CSMD3: variants seen among roughly 807,000 people sequenced by gnomAD.
The protein encoded by CSMD3 is CUB and sushi domain-containing protein 3.
CSMD3 carries 177 observed loss-of-function variants against 435.2 expected under a neutral mutation model. That is an observed-to-expected ratio of 0.41 (90% CI 0.36 to 0.46). The LOEUF (loss-of-function observed/expected upper bound fraction) is 0.46, where lower values mean the gene tolerates loss of function less well. Ranked by LOEUF, CSMD3 falls within the 20% of genes least tolerant of loss-of-function variation. CSMD3 has a pLI of 0.34. For missense variants in CSMD3, 4,265 were observed against 4,504.6 expected (o/e 0.95, Z 1.52); for synonymous variants, 1,656 against 1,520.5 (o/e 1.09, Z -2.07).
At chr8:113,389,827 A>G (rs2094454177) in intron 1 of CSMD3, among the ~76,000 whole-genome samples, 1 of 151,892 alleles carries the variant, frequency 6.6e-6, no homozygotes, top group Middle Eastern at 3.4e-3. Flanking sequence ...GGGACAAATG[A>G]TTACCCTTCC....
At chr8:113,212,969 C>A (rs2092857030) in intron 3 of CSMD3, among the ~76,000 whole-genome samples, 1 of 150,424 alleles carries the variant, frequency 6.6e-6, no homozygotes, top group African/African-American at 2.4e-5. Context: ...ATAACAATTT[C>A]TAAATTCAGG....
At chr8:113,345,803 T>C (rs1023464102) in intron 1 of CSMD3, among the ~76,000 whole-genome samples, 1 of 152,112 alleles carries the variant, frequency 6.6e-6, no homozygotes, top group African/African-American at 2.4e-5. Flanking sequence ...GTAAGAAGAA[T>C]CATTGAGAGT....
intron 3 of CSMD3, among the ~76,000 whole-genome samples, chr8:113,230,571 C>G (rs2093074526): frequency 6.6e-6 from 1 of 151,436 alleles, no homozygotes; most frequent in African/African-American, 2.4e-5. Context: ...ATCCAAAGAC[C>G]ATTATACCCT....
In CSMD3 at chr8:112,576,839, T is replaced by C. The variant is rs772447446; in HGVS notation, c.3886-3182A>G. On this transcript the variant is annotated intron_variant, in intron 23 of 70. Coordinates refer to ENST00000297405, the MANE Select transcript of CSMD3 (RefSeq NM_198123.2). Reference sequence around the variant, plus strand: ...GCCACTGCACCAGGCAGCATACATATATATATATATATATATATGAAAGAA... The same window carrying C: ...GCCACTGCACCAGGCAGCATACATACATATATATATATATATATGAAAGAA... Among the ~76,000 whole-genome samples, 8 of 55,560 alleles carry C rather than the reference T, an allele frequency of 1.4e-4. No individual in the cohort carries two copies. The South Asian group carries it at 1.8e-3, about 12-fold the overall frequency. 36.4% of individuals were successfully genotyped at this position (55,560 alleles called of 152,430 possible).
chr8:112,364,294 GA>G (rs1259595382), intron 38 of CSMD3, among the ~76,000 whole-genome samples: 1 of 151,892 alleles, frequency 6.6e-6, no homozygotes, highest in Non-Finnish European at 1.5e-5. Context: ...GGATTTTACT[GA>G]AAATTATAAT....
intron 11 of CSMD3, among the ~76,000 whole-genome samples, chr8:112,851,374 G>GT (rs1811740631): frequency 6.6e-6 from 1 of 152,072 alleles, no homozygotes; most frequent in African/African-American, 2.4e-5. Flanking sequence ...CCAGTTTCAC[G>GT]TTTTTTCTCA....
At chr8:113,299,992 A>C (rs1267859987) in intron 2 of CSMD3, among the ~76,000 whole-genome samples, 1 of 102,022 alleles carries the variant, frequency 9.8e-6, no homozygotes, top group Non-Finnish European at 1.8e-5. Flanking sequence ...CCTCCATCTC[A>C]AAAAAAAAAA....
chr8:113,357,505 T>C (rs2094239460), intron 1 of CSMD3, among the ~76,000 whole-genome samples: 1 of 152,190 alleles, frequency 6.6e-6, no homozygotes, highest in Non-Finnish European at 1.5e-5. Context: ...AATTTAAATT[T>C]AAAAATGAAA....
At chr8:112,958,016 C>T (rs1366104679) in intron 7 of CSMD3, among the ~76,000 whole-genome samples, 5 of 151,996 alleles carry the variant, frequency 3.3e-5, no homozygotes, top group Admixed American at 2.0e-4. Flanking sequence ...AAGTGCATGT[C>T]GTATTTGTAT....
At chr8:112,883,378 G>C (rs1246790120) in intron 10 of CSMD3, among the ~76,000 whole-genome samples, 1 of 151,970 alleles carries the variant, frequency 6.6e-6, no homozygotes, top group Non-Finnish European at 1.5e-5. Context: ...TTTCAATGGA[G>C]TAAGAGAGCT....
chr8:113,334,190 C>T (rs1275522921), intron 1 of CSMD3, among the ~76,000 whole-genome samples: 2 of 150,878 alleles, frequency 1.3e-5, no homozygotes, highest in Admixed American at 1.3e-4. Flanking sequence ...CTGTCTTAAT[C>T]ATCTGTATTA....
At chr8:112,601,619 A>G (rs1033805748) in intron 22 of CSMD3, among the ~76,000 whole-genome samples, 3 of 152,212 alleles carry the variant, frequency 2.0e-5, no homozygotes, top group Non-Finnish European at 2.9e-5. Context: ...TCAAGAAGGT[A>G]GCATTTTGGT....
chr8:113,399,130 ATG>A (rs1192959620), intron 1 of CSMD3, among the ~76,000 whole-genome samples: 1 of 135,446 alleles, frequency 7.4e-6, no homozygotes, highest in South Asian at 2.5e-4. Flanking sequence ...CACACTATAT[ATG>A]TGTGTGTATA....
At chr8:112,726,102 C>A (rs1307527871) in intron 13 of CSMD3, among the ~76,000 whole-genome samples, 2 of 151,876 alleles carry the variant, frequency 1.3e-5, no homozygotes, top group African/African-American at 4.8e-5. Context: ...AAATTATAAA[C>A]CATCAGATCT....
intron 38 of CSMD3, among the ~76,000 whole-genome samples, chr8:112,364,041 C>T (rs1443389993): frequency 6.6e-6 from 1 of 151,838 alleles, no homozygotes; most frequent in East Asian, 1.9e-4. Flanking sequence ...AGGGAGAAGA[C>T]CATTTTTAGT....
At chr8:112,534,312 AC>A (rs1825838392) in intron 27 of CSMD3, among the ~76,000 whole-genome samples, 1 of 152,188 alleles carries the variant, frequency 6.6e-6, no homozygotes, top group South Asian at 2.1e-4. Context: ...GAAGAATCAA[AC>A]AGACACAATA....
intron 31 of CSMD3, among the ~76,000 whole-genome samples, chr8:112,473,499 C>T (rs970227290): frequency 1.3e-5 from 2 of 151,952 alleles, no homozygotes; most frequent in Admixed American, 6.6e-5. Context: ...AGAGGAGGTT[C>T]TAGGAGACAC....
chr8:112,752,722 T>C (rs2077598495), intron 13 of CSMD3, among the ~76,000 whole-genome samples: 1 of 152,180 alleles, frequency 6.6e-6, no homozygotes, highest in Non-Finnish European at 1.5e-5. Flanking sequence ...GATTCTATTT[T>C]TTTAGTCAAT....
intron 11 of CSMD3, among the ~76,000 whole-genome samples, chr8:112,856,828 T>C (rs758386440): frequency 6.6e-6 from 1 of 151,868 alleles, no homozygotes; most frequent in Non-Finnish European, 1.5e-5. Flanking sequence ...TTAATTGGGA[T>C]GTATGCCAAC....
Sources: gnomAD v4.1 joint callset for allele counts (sites outside exome capture counted in the v4.1 genomes callset) on GRCh38, gnomAD v4.1.1 for gene constraint, MANE v1.5 for transcripts, NCBI Gene and HGNC (gene_info 2026-07-23, HGNC 2026-07-21) for gene names.